RIMBP2: variants seen among roughly 807,000 people sequenced by gnomAD.
RIMBP2 encodes the protein RIMS-binding protein 2.
In RIMBP2, 48 loss-of-function variants were observed where a neutral mutation model predicts 118.6. The ratio of observed to expected loss-of-function variants is 0.40; its 90% confidence interval spans 0.32 to 0.51. The LOEUF (loss-of-function observed/expected upper bound fraction) is 0.51, where lower values mean the gene tolerates loss of function less well. Ranked by LOEUF, RIMBP2 falls within the 20% of genes least tolerant of loss-of-function variation. RIMBP2 has a pLI of 0.41. For missense variants in RIMBP2, 1,551 were observed against 1,768.3 expected, an observed-to-expected ratio of 0.88 and a Z score of 2.20; for synonymous variants, 762 against 742.9, an observed-to-expected ratio of 1.03 and a Z score of -0.42.
In RIMBP2 at chr12:130,675,113, C is replaced by T. The variant is rs187621375; in HGVS notation, c.-352+41109G>A. Among the ~76,000 whole-genome samples, 62 of 152,260 alleles carry T rather than the reference C, an allele frequency of 4.1e-4. 1 individual carries two copies. Among genetic ancestry groups the T allele is most frequent in the Admixed American group, 4.1e-3 (62 of 15,294 alleles). ...GACACAAACTACAAAAGGGCACAGC[C>T]GGGACTAGGACCCCAGTTGTCCCGA... On this transcript the variant is annotated intron_variant, in intron 1 of 22. Transcript: ENST00000690449.
chr12:130,455,183 C>G (rs576422788), intron 7 of RIMBP2, among the ~76,000 whole-genome samples: 1 of 152,246 alleles, frequency 6.6e-6, no homozygotes, highest in Non-Finnish European at 1.5e-5. Context: ...CATGGAGACA[C>G]GTGCATTCTG....
chr12:130,595,127 T>C (rs1165503143), intron 2 of RIMBP2, among the ~76,000 whole-genome samples: 4 of 152,200 alleles, frequency 2.6e-5, no homozygotes, highest in Non-Finnish European at 1.5e-5. Flanking sequence ...ATACAGTTAG[T>C]AGCAGTCAAA....
intron 17 of RIMBP2, among the ~76,000 whole-genome samples, chr12:130,418,068 A>G (rs1013784155): frequency 3.3e-5 from 5 of 152,248 alleles, no homozygotes; most frequent in African/African-American, 1.2e-4. Flanking sequence ...AAGAGACAGG[A>G]CAGGTGGTGG....
intron 1 of RIMBP2, among the ~76,000 whole-genome samples, chr12:130,689,343 G>C (rs767988403): frequency 1.3e-5 from 2 of 152,214 alleles, no homozygotes; most frequent in Non-Finnish European, 2.9e-5. Flanking sequence ...TGAGGCAGGA[G>C]AATCGCTTGA....
At chr12:130,606,401 G>T (rs2060189554) in intron 2 of RIMBP2, among the ~76,000 whole-genome samples, 2 of 152,198 alleles carry the variant, frequency 1.3e-5, no homozygotes, top group Non-Finnish European at 2.9e-5. Flanking sequence ...AGAGGCACAA[G>T]CGTGACGCGT....
chr12:130,454,715 A>G (rs2079273966), intron 7 of RIMBP2, among the ~76,000 whole-genome samples: 1 of 152,222 alleles, frequency 6.6e-6, no homozygotes, highest in Non-Finnish European at 1.5e-5. Context: ...TGCAGTGTGC[A>G]TTTTCCACAG....
At chr12:130,584,677 C>CTATCACAACCATTACATCATCAG in intron 2 of RIMBP2, among the ~76,000 whole-genome samples, 2 of 152,200 alleles carry the variant, frequency 1.3e-5, no homozygotes, top group East Asian at 3.9e-4. Context: ...TACATCATCA[C>CTATCACAACCATTACATCATCAG]TATCACAACC....
At position 130,424,631 on chromosome 12, in the gene RIMBP2, C is replaced by T. The variant is rs1419359727; in HGVS notation, c.2640G>A (p.Arg880=). 1.6e-6 allele frequency: 2 copies of T among 1,231,918 alleles called. No individual in the cohort carries two copies. Among genetic ancestry groups the T allele is most frequent in the East Asian group, 3.2e-5 (1 of 31,660 alleles). The allele number at this position is 1,231,918 out of a possible 1,614,324, so 76.3% of individuals were successfully genotyped here. ...TGTGCTTCACCGGGAACCAGGAGCC[C>T]CGAGGGGCCTCGTCGCCCCTGTAGG... ...GRPYRGDEAP[R]GSWFPVKHRG... is the part of the protein sequence containing the mutation. Residue 880 remains arginine (R), a synonymous_variant, in exon 16 of 23, where the codon CGG becomes CGA. Transcript: ENST00000690449. This position sits in a 1 kb window ranked among gnomAD's most constrained non-coding sequence, Gnocchi z 9.8.
rs1405561764 is a variant in RIMBP2 at position 130,581,204 on chromosome 12, T to C, written c.-217+47118A>G. 6.6e-6 allele frequency among the ~76,000 whole-genome samples: 1 copy of C among 152,096 alleles called. No homozygotes were observed. The highest frequency in any genetic ancestry group is 1.5e-5 in the Non-Finnish European group (1 of 68,010). On this transcript the variant is annotated intron_variant, in intron 2 of 22. Transcript: ENST00000690449. This position sits in a 1 kb window ranked among gnomAD's most constrained non-coding sequence, Gnocchi z 4.4. ...AGACTAGCTCAAGGGTGGCAGCCTC[T>C]GGGTCATCAACTGAAATGCCCCGTG...
intron 2 of RIMBP2, among the ~76,000 whole-genome samples, chr12:130,543,819 A>G (rs1285729523): frequency 3.3e-5 from 5 of 152,054 alleles, no homozygotes; most frequent in African/African-American, 9.7e-5. Flanking sequence ...CTTGCCAGTC[A>G]GCTAAATGTT....
chr12:130,664,403 GCACGCACGCA>G (rs1367677737), intron 1 of RIMBP2, among the ~76,000 whole-genome samples: 1 of 61,692 alleles, frequency 1.6e-5, no homozygotes, highest in African/African-American at 4.6e-5. Flanking sequence ...ACACACGCAC[GCACGCACGCA>G]CACACACGCA....
intron 6 of RIMBP2, among the ~76,000 whole-genome samples, chr12:130,461,353 C>A (rs1275116599): frequency 6.6e-6 from 1 of 152,168 alleles, no homozygotes; most frequent in Non-Finnish European, 1.5e-5. Context: ...GGGGCAGGGG[C>A]AGGGTAGACC....
At chr12:130,566,195 ACACACT>A (rs940743703) in intron 2 of RIMBP2, among the ~76,000 whole-genome samples, 3 of 152,054 alleles carry the variant, frequency 2.0e-5, no homozygotes, top group African/African-American at 7.2e-5. Flanking sequence ...ACACACACAC[ACACACT>A]CACTCAACAG....
At chr12:130,541,591 G>A (rs1215815908) in intron 2 of RIMBP2, among the ~76,000 whole-genome samples, 1 of 152,176 alleles carries the variant, frequency 6.6e-6, no homozygotes, top group East Asian at 1.9e-4. Context: ...ATTTTAAAAT[G>A]TGATCTCAAT....
intron 1 of RIMBP2, among the ~76,000 whole-genome samples, chr12:130,648,972 T>C (rs113349721): frequency 9.6e-5 from 14 of 145,976 alleles, no homozygotes; most frequent in African/African-American, 3.4e-4. Context: ...ATGGTAATTT[T>C]TGCAGCACCA....
At chr12:130,557,614 C>T (rs982009492) in intron 2 of RIMBP2, among the ~76,000 whole-genome samples, 1 of 152,178 alleles carries the variant, frequency 6.6e-6, no homozygotes, top group Non-Finnish European at 1.5e-5. Context: ...GAACTCTTGA[C>T]CCAGAGAAAC....
chr12:130,552,881 G>A (rs1243152625), intron 2 of RIMBP2, among the ~76,000 whole-genome samples: 1 of 152,136 alleles, frequency 6.6e-6, no homozygotes, highest in Non-Finnish European at 1.5e-5. Context: ...CGCCGGGCGT[G>A]GTGGCTCACA....
At chr12:130,496,511 G>C (rs977757043) in intron 4 of RIMBP2, among the ~76,000 whole-genome samples, 3 of 152,138 alleles carry the variant, frequency 2.0e-5, no homozygotes, top group Non-Finnish European at 4.4e-5. Context: ...CTGGGGTAGA[G>C]GAGGCTGCGA....
chr12:130,624,002 C>A (rs140012632), intron 2 of RIMBP2, among the ~76,000 whole-genome samples: 1 of 152,312 alleles, frequency 6.6e-6, no homozygotes, highest in Admixed American at 6.5e-5. Context: ...CTGGGGTCAC[C>A]TTCCCATGAA....
Sources: allele counts gnomAD v4.1 joint callset (sites outside exome capture counted in the v4.1 genomes callset), GRCh38; gene constraint gnomAD v4.1.1; non-coding constraint Gnocchi (gnomAD v3.1); transcripts MANE v1.5; gene names NCBI Gene and HGNC (gene_info 2026-07-23, HGNC 2026-07-21).